Variants in MYBPH observed in about 807,000 individuals in gnomAD.
The protein encoded by MYBPH is myosin binding protein H.
In MYBPH, 49 loss-of-function variants were observed where a neutral mutation model predicts 53.6. That is an observed-to-expected ratio of 0.91 (90% CI 0.73 to 1.16). The LOEUF is 1.16. Ranked by LOEUF, MYBPH falls within the 50% of genes most tolerant of loss-of-function variation. The pLI, the probability that MYBPH is intolerant of heterozygous loss-of-function variation, is 0.00. For synonymous variants in MYBPH, 239 were observed against 249.6 expected, an observed-to-expected ratio of 0.96 and a Z score of 0.40; for missense variants, 558 against 624.1, an observed-to-expected ratio of 0.89 and a Z score of 1.13.
In MYBPH at chr1:203,175,591, AG is replaced by A; in HGVS notation, c.164del (p.Pro55LeufsTer23). The A allele has an allele frequency of 6.2e-7, 1 of 1,613,686 alleles. No individual in the cohort carries two copies. The highest frequency in any genetic ancestry group is 8.5e-7 in the Non-Finnish European group (1 of 1,179,982). ...PKPQAPAPQA[P>X]TASTATKPAP... Reference sequence around the variant, plus strand: ...CAGGCTTAGTGGCTGTGGAGGCTGTAGGGGCCTGTGGGGCAGGGGCCTGCGG... The same window carrying A: ...CAGGCTTAGTGGCTGTGGAGGCTGTAGGGCCTGTGGGGCAGGGGCCTGCGG... On this transcript the variant is annotated frameshift_variant, in exon 1 of 11. Coordinates refer to ENST00000255416, the MANE Select transcript of MYBPH (RefSeq NM_004997.3). LOFTEE classifies it high-confidence loss of function.
chr1:203,169,215 C>G (rs367820128), intron 8 of MYBPH, 38 bp downstream of exon 8: 242 of 1,580,652 alleles, frequency 1.5e-4, no homozygotes, highest in Non-Finnish European at 2.0e-4. Context: ...CCCACCTGCC[C>G]CCACCAGCCC....
chr1:203,177,072 G>C (rs940921149), upstream of MYBPH, among the ~76,000 whole-genome samples: 2 of 152,220 alleles, frequency 1.3e-5, no homozygotes, highest in African/African-American at 2.4e-5. Flanking sequence ...ATGAGCAGAA[G>C]AGCAAGGCAC....
upstream of MYBPH, among the ~76,000 whole-genome samples, chr1:203,177,530 T>C (rs1183903868): frequency 6.6e-6 from 1 of 152,194 alleles, no homozygotes; most frequent in African/African-American, 2.4e-5. Context: ...GTGCAGGGCC[T>C]GGGAGCCTCT....
At position 203,175,765 on chromosome 1, in the gene MYBPH, G is replaced by A; in HGVS notation, c.-10C>T. 2 of 1,613,522 alleles carry A rather than the reference G, an allele frequency of 1.2e-6. No individual in the cohort carries two copies. The highest frequency in any genetic ancestry group is 1.1e-5 in the South Asian group (1 of 91,072). ...TGTTTTTTTCCATCATTGCTGGACT[G>A]GCTGGGGGGCCAGGGTGGAGTGTGC... On this transcript the variant is annotated 5_prime_UTR_variant, in exon 1 of 11. Transcript: ENST00000255416.
chr1:203,168,791 G>A (rs1655636403), intron 9 of MYBPH, 115 bp downstream of exon 9: 1 of 1,584,742 alleles, frequency 6.3e-7, no homozygotes, highest in African/African-American at 1.3e-5. Context: ...AATCAGCACA[G>A]CCTGACCCCA....
At position 203,174,351 on chromosome 1, in the gene MYBPH, C is replaced by T. The variant is rs547220478; in HGVS notation, c.508+79G>A. The T allele has an allele frequency of 1.3e-4, 195 of 1,496,440 alleles. No individual in the cohort carries two copies. Among genetic ancestry groups the T allele is most frequent in the Admixed American group, 2.1e-4 (10 of 46,576 alleles). The allele number at this position is 1,496,440 out of a possible 1,614,324, so 92.7% of individuals were successfully genotyped here. On this transcript the variant is annotated intron_variant, in intron 3 of 10. Coordinates refer to ENST00000255416, the MANE Select transcript of MYBPH (RefSeq NM_004997.3). Reference sequence around the variant, plus strand: ...GGGGGAAATGACTGCCTGGTTCCCTCTACCTGCTGGCCTCAGTTTCTCCAT... The same window carrying T: ...GGGGGAAATGACTGCCTGGTTCCCTTTACCTGCTGGCCTCAGTTTCTCCAT...
Position 203,169,058 on chromosome 1 carries a change from A to G in MYBPH, c.1265T>C (p.Ile422Thr). Residue 422 changes from isoleucine to threonine, a missense_variant, in exon 9 of 11, where the codon ATC becomes ACC. Ile to Thr is a moderately conservative substitution (Grantham distance 89). Coordinates refer to ENST00000255416, the MANE Select transcript of MYBPH (RefSeq NM_004997.3). ...KIIWMKNKME[I>T]QGNPKYRALS... ...GGCGCGGTATTTGGGGTTGCCCTGG[A>G]TCTCCATCTTGTTTTTCATCCAGAT... The G allele has an allele frequency of 6.2e-7, 1 of 1,613,846 alleles. No individual in the cohort carries two copies. The highest frequency in any genetic ancestry group is 8.5e-7 in the Non-Finnish European group (1 of 1,180,004).
upstream of MYBPH, among the ~76,000 whole-genome samples, chr1:203,176,716 G>A (rs1248873244): frequency 2.0e-5 from 3 of 152,180 alleles, no homozygotes; most frequent in East Asian, 5.8e-4. Context: ...GGAATCACTG[G>A]AAAGCCAGAA....
chr1:203,173,926 C>T (rs1218974117), intron 3 of MYBPH, among the ~76,000 whole-genome samples: 1 of 152,210 alleles, frequency 6.6e-6, no homozygotes, highest in Non-Finnish European at 1.5e-5. Context: ...TGAGGTATGC[C>T]CTCTGCAATG....
upstream of MYBPH, among the ~76,000 whole-genome samples, chr1:203,177,023 G>GTT (rs1198337878): frequency 6.6e-6 from 1 of 152,130 alleles, no homozygotes. Flanking sequence ...GCAAAATATG[G>GTT]GGTCAAATGA....
At chr1:203,176,361 T>C (rs1015009952), upstream of MYBPH, among the ~76,000 whole-genome samples, 1 of 152,058 alleles carries the variant, frequency 6.6e-6, no homozygotes, top group African/African-American at 2.4e-5. Context: ...ATTGAGATGC[T>C]GAGGGTGGAG....
intron 2 of MYBPH, 84 bp from the exon 3 acceptor site, chr1:203,174,681 C>A: frequency 7.4e-7 from 1 of 1,353,580 alleles, no homozygotes; most frequent in Non-Finnish European, 9.8e-7. Flanking sequence ...TGCTGGTGAT[C>A]TGGGGAAATC....
intron 2 of MYBPH, among the ~76,000 whole-genome samples, chr1:203,174,871 G>A (rs887172438): frequency 5.9e-5 from 9 of 152,238 alleles, no homozygotes; most frequent in Admixed American, 3.3e-4. Flanking sequence ...AGAGGCAGAG[G>A]CCAGGCTGGA....
At position 203,171,464 on chromosome 1, in the gene MYBPH, G is replaced by A. The variant is rs1164321266; in HGVS notation, c.712C>T (p.Arg238Cys). ...DSILFIRSAQ[R>C]SDSGRYELTV... ...AGCTCGTAGCGGCCAGAGTCGGAGC[G>A]CTGGGCCGAGCGAATGAAGAGGATG... Residue 238 changes from arginine (R) to cysteine (C), a missense_variant, in exon 5 of 11, where the codon CGC becomes TGC. Coordinates refer to ENST00000255416, the MANE Select transcript of MYBPH (RefSeq NM_004997.3). This position sits in a 1 kb window ranked among gnomAD's most constrained non-coding sequence, Gnocchi z 4.2. 7 of 1,613,760 alleles carry A rather than the reference G, an allele frequency of 4.3e-6. No individual in the cohort carries two copies. In the East Asian group the frequency reaches 6.7e-5, roughly 15 times the overall value.
In MYBPH at chr1:203,170,325, G is replaced by A. The variant is rs200996994; in HGVS notation, c.1059C>T (p.Thr353=). The change falls in exon 7 of 11, where the codon ACC becomes ACT. Residue 353 remains threonine, a synonymous_variant. Coordinates refer to ENST00000255416, the MANE Select transcript of MYBPH (RefSeq NM_004997.3). ...ENLCGLSTSA[T]VTKELAHIQK... ...GGATGTGGGCGAGCTCCTTGGTGAC[G>A]GTGGCCGAGGTGCTGAGTCCACACA... 1.2e-5 allele frequency: 20 copies of A among 1,614,184 alleles called. No individual in the cohort carries two copies. The highest frequency in any genetic ancestry group is 8.9e-5 in the East Asian group (4 of 44,878).
intron 3 of MYBPH, among the ~76,000 whole-genome samples, chr1:203,173,612 C>G (rs1553271047): frequency 6.6e-6 from 1 of 152,248 alleles, no homozygotes; most frequent in Non-Finnish European, 1.5e-5. Context: ...GACTTGACCC[C>G]TCCTGTGGAT....
In MYBPH at chr1:203,170,454, C is replaced by T; in HGVS notation, c.934-4G>A. The T allele has an allele frequency of 6.2e-7, 1 of 1,613,600 alleles. No homozygotes were observed. Among genetic ancestry groups the T allele is most frequent in the Non-Finnish European group, 8.5e-7 (1 of 1,179,658 alleles). ...GCTCCAGCACTGTGAACCATTGCTG[C>T]AGGGCCCCGGGTGTCACCCTCATTT... is the stretch of plus-strand genomic sequence containing the variant. On this transcript the variant is annotated splice_polypyrimidine_tract_variant and splice_region_variant and intron_variant, in intron 6 of 10. Coordinates refer to ENST00000255416, the MANE Select transcript of MYBPH (RefSeq NM_004997.3).
In MYBPH at chr1:203,171,417, C is replaced by T. The variant is rs1383373606; in HGVS notation, c.759G>A (p.Leu253=). 6.2e-7 allele frequency: 1 copy of T among 1,613,894 alleles called. No homozygotes were observed. Residue 253 remains leucine, a synonymous_variant, in exon 5 of 11, where the codon CTG becomes CTA. Transcript: ENST00000255416. This position sits in a 1 kb window ranked among gnomAD's most constrained non-coding sequence, Gnocchi z 4.2. The stretch of plus-strand genomic sequence containing the variant: ...GGATGTCAATGACTGCCTTGGCCTC[C>T]AGGTCTTCCACGCGCACAGTGAGCT... ...RYELTVRVED[L]EAKAVIDILV... is the part of the protein sequence containing the mutation.
chr1:203,174,719 C>T, intron 2 of MYBPH, 122 bp from the exon 3 acceptor site: 2 of 1,075,740 alleles, frequency 1.9e-6, no homozygotes, highest in Non-Finnish European at 2.6e-6. Context: ...CTCATTTTCC[C>T]CTTGTTTGCC....
Sources: gnomAD v4.1 joint callset for allele counts (sites outside exome capture counted in the v4.1 genomes callset) on GRCh38, gnomAD v4.1.1 for gene constraint, Gnocchi (gnomAD v3.1) non-coding constraint, MANE v1.5 for transcripts, NCBI Gene and HGNC (gene_info 2026-07-23, HGNC 2026-07-21) for gene names.